LLGL1: variants seen among roughly 807,000 people sequenced by gnomAD.
LLGL1 encodes LLGL scribble cell polarity complex component 1.
Under a neutral mutation model 110.6 loss-of-function variants are expected in LLGL1, and 58 were observed. That is an observed-to-expected ratio of 0.52 (90% confidence interval 0.42 to 0.65). The LOEUF is 0.65. Ranked by LOEUF, LLGL1 falls within the 30% of genes least tolerant of loss-of-function variation. The probability of loss-of-function intolerance (pLI) is 0.00; values close to 1 mark genes in which losing one functional copy is unlikely to be tolerated. For synonymous variants in LLGL1, 674 were observed against 607.2 expected (o/e 1.11, Z -1.62); for missense variants, 1,229 against 1,462.1 (o/e 0.84, Z 2.60).
Position 18,240,699 on chromosome 17 carries a change from C to T in LLGL1, c.2328C>T (p.Ala776=), listed in dbSNP as rs112697370. The part of the protein sequence containing the change: ...GEKRPEQAVE[A]VLGKEVQLMH... ...AGCGGCCTGAGCAAGCGGTGGAGGCCGTGCTGGGCAAGGAGGTGCAGCTGA... is the reference window on the plus strand; with the variant it reads ...AGCGGCCTGAGCAAGCGGTGGAGGCTGTGCTGGGCAAGGAGGTGCAGCTGA... Residue 776 remains alanine, a synonymous_variant, in exon 17 of 23, where the codon GCC becomes GCT. Coordinates refer to ENST00000316843, the MANE Select transcript of LLGL1 (RefSeq NM_004140.4). The surrounding 1 kb of genome is among the most constrained non-coding windows in gnomAD (Gnocchi z 5.3). The T allele has an allele frequency of 5.3e-3, 8,581 of 1,612,984 alleles. 153 individuals are homozygous for T. In the African/African-American group the frequency reaches 0.058, roughly 11 times the overall value.
At chr17:18,236,811 C>T (rs547006367) in intron 12 of LLGL1, 24 bp from the exon 13 acceptor site, 2 of 1,613,132 alleles carry the variant, frequency 1.2e-6, no homozygotes, top group East Asian at 2.2e-5. Flanking sequence ...CGCCTGGACT[C>T]ATTACTCCTT....
At position 18,241,882 on chromosome 17, in the gene LLGL1, C is replaced by T. The variant is rs1162105171; in HGVS notation, c.2768-3C>T. 1.2e-6 allele frequency: 2 copies of T among 1,612,382 alleles called. No homozygotes were observed. Among genetic ancestry groups the T allele is most frequent in the South Asian group, 1.1e-5 (1 of 91,040 alleles). The stretch of plus-strand genomic sequence containing the variant: ...TGCACTCCTCATTCTTCTGCCCACC[C>T]AGGCTTTTACCTGATATCCCCATCA... On this transcript the variant is annotated splice_polypyrimidine_tract_variant and splice_region_variant and intron_variant, in intron 18 of 22. Transcript: ENST00000316843.
chr17:18,227,960 T>C (rs1286590301), intron 1 of LLGL1, among the ~76,000 whole-genome samples: 2 of 152,130 alleles, frequency 1.3e-5, no homozygotes, highest in Non-Finnish European at 2.9e-5. Context: ...GAGCAGGGAC[T>C]TTGGACTCTG....
chr17:18,244,731 G>GA lies in LLGL1; in HGVS notation c.*825_*826insA, dbSNP rs1299842564. 1 of 106,504 alleles carries GA rather than the reference G, an allele frequency of 9.4e-6. No homozygotes were observed. The highest frequency in any genetic ancestry group is 3.4e-5 in the African/African-American group (1 of 29,136). The allele number at this position is 106,504 out of a possible 1,614,324, so 6.6% of individuals were successfully genotyped here. ...AGGTGTGTGTGTCCGGCGGGGGGGG[G>GA]GGGCAGGGGGGGGGGTCAAGATGAG... is the stretch of plus-strand genomic sequence containing the variant. On this transcript the variant is annotated 3_prime_UTR_variant, in exon 23 of 23. Transcript: ENST00000316843.
chr17:18,242,154 C>G lies in LLGL1; in HGVS notation c.2883-12C>G. The G allele has an allele frequency of 6.2e-7, 1 of 1,608,272 alleles. No homozygotes were observed. Among genetic ancestry groups the G allele is most frequent in the East Asian group, 2.2e-5 (1 of 44,802 alleles). On this transcript the variant is annotated splice_polypyrimidine_tract_variant and intron_variant, in intron 19 of 22. Transcript: ENST00000316843. ...TCCACCTATGGTCCCCATCATGGCC[C>G]CATCTCTGCAGTTACAGGATCCGAG...
intron 4 of LLGL1, among the ~76,000 whole-genome samples, chr17:18,233,332 G>T (rs1405786114): frequency 6.6e-6 from 1 of 152,152 alleles, no homozygotes; most frequent in Non-Finnish European, 1.5e-5. Flanking sequence ...GCCTGAAATA[G>T]CTGGAAAAGG....
intron 20 of LLGL1, 97 bp downstream of exon 20, chr17:18,242,375 TAGG>T: frequency 5.2e-6 from 8 of 1,541,532 alleles, no homozygotes; most frequent in Non-Finnish European, 5.3e-6. Flanking sequence ...CAGGCTTCTG[TAGG>T]AGATGGGTGG....
Position 18,241,949 on chromosome 17 carries a change from G to A in LLGL1, c.2832G>A (p.Glu944=). 3.1e-6 allele frequency: 5 copies of A among 1,614,174 alleles called. No homozygotes were observed. The highest frequency in any genetic ancestry group is 4.2e-6 in the Non-Finnish European group (5 of 1,180,006). ...RFSLSARNIT[E]PLCSLDINWP... ...CCCTAAGTGCCCGGAACATCACAGA[G>A]CCGCTCTGCTCTCTGGACATTAACT... The change falls in exon 19 of 23, where the codon GAG becomes GAA. Residue 944 remains glutamate, a synonymous_variant. Transcript: ENST00000316843.
chr17:18,233,096 C>T (rs1040054898), intron 4 of LLGL1, among the ~76,000 whole-genome samples: 1 of 152,202 alleles, frequency 6.6e-6, no homozygotes, highest in Non-Finnish European at 1.5e-5. Flanking sequence ...TGAGGCCTGG[C>T]ACTACACTTA....
chr17:18,239,902 T>C (rs1397418620), intron 16 of LLGL1, among the ~76,000 whole-genome samples: 1 of 152,128 alleles, frequency 6.6e-6, no homozygotes, highest in Non-Finnish European at 1.5e-5. Flanking sequence ...AGACACTTAA[T>C]GCCTCAGGAT....
In LLGL1 at chr17:18,234,657, C is replaced by A. The variant is rs768394902; in HGVS notation, c.859C>A (p.Pro287Thr). 1.9e-6 allele frequency: 3 copies of A among 1,614,186 alleles called. No homozygotes were observed. Among genetic ancestry groups the A allele is most frequent in the South Asian group, 2.2e-5 (2 of 91,084 alleles). The change falls in exon 8 of 23, where the codon CCC becomes ACC. Residue 287 changes from proline (P) to threonine (T), a missense_variant. By Grantham distance (38) the Pro-to-Thr change is conservative (BLOSUM62 -1). Coordinates refer to ENST00000316843, the MANE Select transcript of LLGL1 (RefSeq NM_004140.4). ...TVATTPYGPF[P>T]CKAINKILWR... is the part of the protein sequence containing the mutation. ...GCTGTCCCACCCCTCAGGCCCCTTT[C>A]CCTGCAAGGCCATTAACAAGATTCT...
At chr17:18,241,190 T>C in intron 17 of LLGL1, 1 of 592,144 alleles carries the variant, frequency 1.7e-6, no homozygotes, top group Non-Finnish European at 3.0e-6. Context: ...AACTCGAGGT[T>C]TGATGGGGAT....
intron 2 of LLGL1, among the ~76,000 whole-genome samples, chr17:18,230,552 A>G (rs1238067919): frequency 6.7e-6 from 1 of 149,878 alleles, no homozygotes; most frequent in Non-Finnish European, 1.5e-5. Context: ...TGTGTGAGCC[A>G]CACAAAGCGG....
Position 18,225,642 on chromosome 17 carries a change from GGGCGGC to G in LLGL1, c.-32_-27del. ...CGCGGGGCCGCGCGGCGCATCCTGC[GGGCGGC>G]GGCGGCGGGCGAGGCGCCTGCAGCC... On this transcript the variant is annotated 5_prime_UTR_variant, in exon 1 of 23. Coordinates refer to ENST00000316843, the MANE Select transcript of LLGL1 (RefSeq NM_004140.4). 1 of 937,820 alleles carries G rather than the reference GGGCGGC, an allele frequency of 1.1e-6. No homozygotes were observed. The highest frequency in any genetic ancestry group is 1.3e-6 in the Non-Finnish European group (1 of 788,262). 58.1% of individuals were successfully genotyped at this position (937,820 alleles called of 1,614,324 possible). A position where few individuals can be genotyped will look rare whatever the true frequency, so the allele number is the denominator to read the frequency against.
At chr17:18,227,055 T>G (rs1208179966) in intron 1 of LLGL1, among the ~76,000 whole-genome samples, 1 of 152,354 alleles carries the variant, frequency 6.6e-6, no homozygotes, top group East Asian at 1.9e-4. Context: ...AAGGGGCTGC[T>G]GTGGTCCTGG....
chr17:18,237,926 G>A, intron 14 of LLGL1, 141 bp from the exon 15 acceptor site: 1 of 1,280,760 alleles, frequency 7.8e-7, no homozygotes, highest in Non-Finnish European at 1.1e-6. Flanking sequence ...GACATTCTCA[G>A]TACCACCTGC....
chr17:18,234,538 C>G (rs570007196), intron 7 of LLGL1, 111 bp from the exon 8 acceptor site: 1 of 1,574,338 alleles, frequency 6.4e-7, no homozygotes, highest in Non-Finnish European at 8.7e-7. Flanking sequence ...GCCGACTTCC[C>G]GGGGAGGCAG....
chr17:18,237,454 G>A, intron 13 of LLGL1, 27 bp from the exon 14 acceptor site: 2 of 1,544,230 alleles, frequency 1.3e-6, no homozygotes, highest in Non-Finnish European at 1.8e-6. Flanking sequence ...CTGCGCTGAT[G>A]CTCCCCCTGC....
intron 2 of LLGL1, 124 bp from the exon 3 acceptor site, chr17:18,232,371 C>G: frequency 1.3e-6 from 1 of 797,910 alleles, no homozygotes; most frequent in Admixed American, 2.7e-5. Flanking sequence ...AGGGAGGACT[C>G]CTGGATGGTC....
Sources: allele counts gnomAD v4.1 joint callset (sites outside exome capture counted in the v4.1 genomes callset), GRCh38; gene constraint gnomAD v4.1.1; non-coding constraint Gnocchi (gnomAD v3.1); transcripts MANE v1.5; gene names NCBI Gene and HGNC (gene_info 2026-07-23, HGNC 2026-07-21).